The following GPC6 variants were observed in gnomAD, a reference collection of about 807,000 sequenced individuals.
GPC6 encodes glypican-6.
GPC6 carries 14 observed loss-of-function variants against 55.2 expected under a neutral mutation model. That is an observed-to-expected ratio of 0.25 (90% CI 0.17 to 0.40). The LOEUF (loss-of-function observed/expected upper bound fraction) is 0.40. Ranked by LOEUF, GPC6 falls within the 10% of genes least tolerant of loss-of-function variation. The pLI, the probability that GPC6 is intolerant of heterozygous loss-of-function variation, is 1.00. For missense variants in GPC6, 641 were observed against 708.5 expected, an observed-to-expected ratio of 0.90 and a Z score of 1.08; for synonymous variants, 278 against 259.6, an observed-to-expected ratio of 1.07 and a Z score of -0.68.
intron 4 of GPC6, among the ~76,000 whole-genome samples, chr13:94,222,441 C>T (rs367608400): frequency 2.0e-3 from 304 of 152,166 alleles, no homozygotes; most frequent in Non-Finnish European, 3.5e-3. Flanking sequence ...CCTAGAGACA[C>T]ATTAGGGAAT....
rs548476178 is a variant in GPC6, at chr13:94,402,516, TG to T, written c.1466-494del. ...TTAAAAACAATCCTGTTGGGTAGGG[TG>T]GGGGACCATGGATGGGGAGATTTTG... On this transcript the variant is annotated intron_variant, in intron 8 of 8. Transcript: ENST00000377047. Among the ~76,000 whole-genome samples, 3 of 152,142 alleles carry T rather than the reference TG, an allele frequency of 2.0e-5. No homozygotes were observed. The East Asian group carries it at 5.8e-4, about 29-fold the overall frequency.
intron 2 of GPC6, among the ~76,000 whole-genome samples, chr13:93,553,270 A>C (rs1298887050): frequency 6.6e-6 from 1 of 152,170 alleles, no homozygotes; most frequent in African/African-American, 2.4e-5. Flanking sequence ...CAAATAAGAT[A>C]GTAAAGCCAT....
At chr13:93,871,365 C>A (rs891285530) in intron 3 of GPC6, among the ~76,000 whole-genome samples, 2 of 151,896 alleles carry the variant, frequency 1.3e-5, no homozygotes, top group Non-Finnish European at 2.9e-5. Context: ...TAATTATACT[C>A]CCCTTAGCTC....
intron 4 of GPC6, among the ~76,000 whole-genome samples, chr13:94,238,222 G>A (rs1049869762): frequency 5.3e-5 from 8 of 152,110 alleles, no homozygotes; most frequent in African/African-American, 1.9e-4. Context: ...AAATAGTTCT[G>A]GAGTTCGAGG....
intron 4 of GPC6, among the ~76,000 whole-genome samples, chr13:94,161,308 G>T (rs1235806473): frequency 6.6e-6 from 1 of 150,722 alleles, no homozygotes. Context: ...AAAGATAAGA[G>T]TGTTTAAAAA....
intron 3 of GPC6, among the ~76,000 whole-genome samples, chr13:93,844,912 C>A (rs1170000642): frequency 6.6e-6 from 1 of 151,882 alleles, no homozygotes; most frequent in East Asian, 1.9e-4. Flanking sequence ...ATCCTTTCCC[C>A]ATTGCTTGTT....
intron 2 of GPC6, among the ~76,000 whole-genome samples, chr13:93,716,678 A>G (rs1027604306): frequency 4.6e-5 from 7 of 151,604 alleles, no homozygotes; most frequent in Non-Finnish European, 8.9e-5. Context: ...TTAATTTATT[A>G]TTGATGAAAG....
intron 3 of GPC6, among the ~76,000 whole-genome samples, chr13:93,957,137 T>A (rs1272207689): frequency 6.6e-6 from 1 of 152,176 alleles, no homozygotes; most frequent in Non-Finnish European, 1.5e-5. Flanking sequence ...AGTACATAAC[T>A]ATTTAGCTAG....
At chr13:93,375,102 T>C (rs1050164301) in intron 1 of GPC6, among the ~76,000 whole-genome samples, 2 of 152,196 alleles carry the variant, frequency 1.3e-5, no homozygotes, top group African/African-American at 2.4e-5. Flanking sequence ...CCTTCGTAAA[T>C]TAAAAATAGC....
At chr13:94,336,283 G>A (rs1044205575) in intron 6 of GPC6, among the ~76,000 whole-genome samples, 1 of 152,122 alleles carries the variant, frequency 6.6e-6, no homozygotes, top group Non-Finnish European at 1.5e-5. Flanking sequence ...TAGAGCTGTT[G>A]AAATATGAAC....
At chr13:93,473,141 C>T (rs1879183401) in intron 1 of GPC6, among the ~76,000 whole-genome samples, 1 of 152,172 alleles carries the variant, frequency 6.6e-6, no homozygotes, top group African/African-American at 2.4e-5. Context: ...GTGGGACTGG[C>T]AGCCTGGCCT....
intron 2 of GPC6, among the ~76,000 whole-genome samples, chr13:93,628,507 T>G (rs1879300565): frequency 6.6e-6 from 1 of 152,140 alleles, no homozygotes; most frequent in African/African-American, 2.4e-5. Flanking sequence ...ATTTCTACAG[T>G]GATGGAGGGT....
At chr13:93,300,647 CAA>C (rs11386516) in intron 1 of GPC6, among the ~76,000 whole-genome samples, 20 of 99,476 alleles carry the variant, frequency 2.0e-4, no homozygotes, top group Admixed American at 3.2e-4. Context: ...GACTCTGTCT[CAA>C]AAAAAAAAAA....
In GPC6 at chr13:93,628,610, A is replaced by C. The variant is rs185319437; in HGVS notation, c.319+83189A>C. Reference sequence around the variant, plus strand: ...AGTCCATTGGTTGTACTTGCATGACACTGGAGTTTATGTAAATAGCTAAGT... The same window carrying C: ...AGTCCATTGGTTGTACTTGCATGACCCTGGAGTTTATGTAAATAGCTAAGT... On this transcript the variant is annotated intron_variant, in intron 2 of 8. Transcript: ENST00000377047. Among the ~76,000 whole-genome samples the C allele has an allele frequency of 1.1e-4, 16 of 152,290 alleles. No homozygotes were observed. In the East Asian group the frequency reaches 3.1e-3, roughly 29 times the overall value.
At chr13:93,500,530 A>G (rs80186774) in intron 1 of GPC6, among the ~76,000 whole-genome samples, 1 of 147,538 alleles carries the variant, frequency 6.8e-6, no homozygotes, top group Admixed American at 6.8e-5. Flanking sequence ...TGCAAAAAAA[A>G]TAATTGCATA....
At chr13:93,320,458 T>G (rs1319137923) in intron 1 of GPC6, among the ~76,000 whole-genome samples, 1 of 151,926 alleles carries the variant, frequency 6.6e-6, no homozygotes, top group Non-Finnish European at 1.5e-5. Context: ...TAGTAAACTA[T>G]TGGAATCAGA....
At chr13:93,281,004 G>A (rs1035358875) in intron 1 of GPC6, among the ~76,000 whole-genome samples, 1 of 152,140 alleles carries the variant, frequency 6.6e-6, no homozygotes, top group South Asian at 2.1e-4. Context: ...ACTGGTGCTG[G>A]TCTGAGGTCC....
At chr13:93,337,053 T>C (rs1442196735) in intron 1 of GPC6, among the ~76,000 whole-genome samples, 1 of 152,208 alleles carries the variant, frequency 6.6e-6, no homozygotes, top group African/African-American at 2.4e-5. Context: ...CAGTGTGGTC[T>C]CTGGAGCCAT....
chr13:93,652,290 T>G (rs993500806), intron 2 of GPC6, among the ~76,000 whole-genome samples: 14 of 152,274 alleles, frequency 9.2e-5, no homozygotes, highest in Admixed American at 9.2e-4. Flanking sequence ...TTTTTTCCAA[T>G]GTCATGTTAA....
Sources: gnomAD v4.1 joint callset for allele counts (sites outside exome capture counted in the v4.1 genomes callset) on GRCh38, gnomAD v4.1.1 for gene constraint, MANE v1.5 for transcripts, NCBI Gene and HGNC (gene_info 2026-07-23, HGNC 2026-07-21) for gene names.